The following ADAMTS17 variants were observed in gnomAD, a reference collection of about 807,000 sequenced individuals.
The protein encoded by ADAMTS17 is A disintegrin and metalloproteinase with thrombospondin motifs 17.
ADAMTS17 carries 113 observed loss-of-function variants against 141.5 expected under a neutral mutation model. The observed-to-expected ratio is 0.80, with a 90% CI of 0.69 to 0.93. ADAMTS17 has a LOEUF of 0.93. Ranked by LOEUF, ADAMTS17 falls within the 40% of genes least tolerant of loss-of-function variation. ADAMTS17 has a pLI of 0.00. For synonymous variants in ADAMTS17, 768 were observed against 630.6 expected, an observed-to-expected ratio of 1.22 and a Z score of -3.27; for missense variants, 1,659 against 1,517.9, an observed-to-expected ratio of 1.09 and a Z score of -1.54.
chr15:100,153,729 A>C (rs111898139), intron 9 of ADAMTS17, among the ~76,000 whole-genome samples: 68 of 152,256 alleles, frequency 4.5e-4, no homozygotes, highest in African/African-American at 1.6e-3. Flanking sequence ...TTTATTTCTC[A>C]ATTTCTAAAG....
intron 7 of ADAMTS17, among the ~76,000 whole-genome samples, chr15:100,200,599 G>A (rs748721195): frequency 2.0e-5 from 3 of 152,212 alleles, no homozygotes; most frequent in Admixed American, 6.5e-5. Context: ...TGTGTGACAC[G>A]CAAGCGGATG....
intron 20 of ADAMTS17, among the ~76,000 whole-genome samples, chr15:99,989,951 C>G (rs2091049595): frequency 6.6e-6 from 1 of 152,190 alleles, no homozygotes; most frequent in Non-Finnish European, 1.5e-5. Flanking sequence ...ATTCCCATTT[C>G]AGAGATAAAG....
At chr15:100,149,404 C>T (rs1359384974) in intron 10 of ADAMTS17, among the ~76,000 whole-genome samples, 2 of 152,194 alleles carry the variant, frequency 1.3e-5, no homozygotes, top group African/African-American at 4.8e-5. Context: ...TTAACTTCCT[C>T]GCAGTTTCCA....
intron 18 of ADAMTS17, among the ~76,000 whole-genome samples, chr15:100,033,580 G>T (rs2030398943): frequency 6.6e-6 from 1 of 152,178 alleles, no homozygotes; most frequent in African/African-American, 2.4e-5. Flanking sequence ...CCTTCTTCTG[G>T]TGAGAGGTGA....
At chr15:100,334,624 C>T (rs1294488078) in intron 2 of ADAMTS17, among the ~76,000 whole-genome samples, 3 of 152,212 alleles carry the variant, frequency 2.0e-5, no homozygotes, top group Non-Finnish European at 2.9e-5. Flanking sequence ...CACCTCTTTC[C>T]GTGGAAGGAG....
intron 7 of ADAMTS17, among the ~76,000 whole-genome samples, chr15:100,233,015 A>T (rs950582279): frequency 2.0e-5 from 3 of 152,172 alleles, no homozygotes; most frequent in Non-Finnish European, 4.4e-5. Flanking sequence ...CCTACTGCAC[A>T]GATAAAAAAG....
chr15:100,056,667 T>C (rs11247144), intron 15 of ADAMTS17, among the ~76,000 whole-genome samples: 151,225 of 152,292 alleles, frequency 0.99, 75,090 homozygotes, highest in East Asian at 1. Context: ...TGCAGCCTGG[T>C]TCCTAACAGA....
At chr15:100,224,854 C>T (rs1424529316) in intron 7 of ADAMTS17, among the ~76,000 whole-genome samples, 1 of 152,256 alleles carries the variant, frequency 6.6e-6, no homozygotes, top group African/African-American at 2.4e-5. Context: ...GGGCCACCCA[C>T]AGGTTTTAAG....
chr15:100,143,085 A>C (rs1326274438), intron 10 of ADAMTS17, among the ~76,000 whole-genome samples: 1 of 152,158 alleles, frequency 6.6e-6, no homozygotes, highest in Non-Finnish European at 1.5e-5. Context: ...GGTGGTCATT[A>C]AACAGCACCT....
At chr15:100,147,139 G>C (rs1282541153) in intron 10 of ADAMTS17, among the ~76,000 whole-genome samples, 1 of 152,012 alleles carries the variant, frequency 6.6e-6, no homozygotes, top group Non-Finnish European at 1.5e-5. Flanking sequence ...AAACTTGCTG[G>C]TTTTGTGGCT....
intron 18 of ADAMTS17, among the ~76,000 whole-genome samples, chr15:100,040,370 T>G (rs1283868813): frequency 6.6e-6 from 1 of 152,228 alleles, no homozygotes; most frequent in Non-Finnish European, 1.5e-5. Context: ...GAGATCGCTT[T>G]GTAATCTTTT....
intron 12 of ADAMTS17, among the ~76,000 whole-genome samples, chr15:100,131,656 C>T (rs542623615): frequency 6.6e-6 from 1 of 152,302 alleles, no homozygotes; most frequent in Admixed American, 6.5e-5. Context: ...GCTGCTCCCA[C>T]ATCAGAGACA....
intron 3 of ADAMTS17, among the ~76,000 whole-genome samples, chr15:100,295,600 C>T (rs1313804189): frequency 6.6e-6 from 1 of 152,214 alleles, no homozygotes; most frequent in Admixed American, 6.5e-5. Flanking sequence ...GCCCCACAGC[C>T]CCCTCCTTCA....
chr15:100,202,694 C>T (rs1248728268), intron 7 of ADAMTS17, among the ~76,000 whole-genome samples: 2 of 152,218 alleles, frequency 1.3e-5, no homozygotes, highest in South Asian at 2.1e-4. Context: ...CTCAGAGATA[C>T]CCCCACCGTC....
intron 3 of ADAMTS17, among the ~76,000 whole-genome samples, chr15:100,310,100 G>A (rs1336233333): frequency 6.6e-6 from 1 of 152,180 alleles, no homozygotes; most frequent in Admixed American, 6.5e-5. Context: ...AAACTCAGAG[G>A]CGAGCCAAGC....
At chr15:100,189,161 G>A (rs370918573) in intron 8 of ADAMTS17, among the ~76,000 whole-genome samples, 27 of 152,350 alleles carry the variant, frequency 1.8e-4, no homozygotes, top group South Asian at 8.3e-4. Context: ...TGCAAGGCAC[G>A]AGTTGAAGTC....
intron 8 of ADAMTS17, among the ~76,000 whole-genome samples, chr15:100,175,005 G>A (rs139385682): frequency 9.1e-4 from 139 of 152,298 alleles, no homozygotes; most frequent in African/African-American, 3.2e-3. Flanking sequence ...GCCCTGGGCA[G>A]AAAGCATCAG....
intron 15 of ADAMTS17, among the ~76,000 whole-genome samples, chr15:100,069,419 G>T (rs1240158277): frequency 2.0e-5 from 3 of 152,134 alleles, no homozygotes; most frequent in Non-Finnish European, 4.4e-5. Flanking sequence ...CTTGAGAAGA[G>T]TAACTCCAAG....
intron 7 of ADAMTS17, among the ~76,000 whole-genome samples, chr15:100,233,057 G>A (rs967638318): frequency 9.2e-5 from 14 of 152,290 alleles, no homozygotes; most frequent in East Asian, 1.9e-4. Context: ...GGCCAGGCGC[G>A]GTGGCTCACG....
Sources: allele counts gnomAD v4.1 joint callset (sites outside exome capture counted in the v4.1 genomes callset), GRCh38; gene constraint gnomAD v4.1.1; transcripts MANE v1.5; gene names NCBI Gene and HGNC (gene_info 2026-07-23, HGNC 2026-07-21).